DPYSL2: variants seen among roughly 807,000 people sequenced by gnomAD.
The protein encoded by DPYSL2 is dihydropyrimidinase like 2, also known as dihydropyrimidinase-related protein 2.
DPYSL2 carries 13 observed loss-of-function variants against 69.9 expected under a neutral mutation model. The ratio of observed to expected loss-of-function variants is 0.19; its 90% CI spans 0.12 to 0.30. DPYSL2 has a LOEUF of 0.30. Ranked by LOEUF, DPYSL2 falls within the 10% of genes least tolerant of loss-of-function variation. The pLI, the probability that DPYSL2 is intolerant of heterozygous loss-of-function variation, is 1.00. For missense variants in DPYSL2, 587 were observed against 918.9 expected, an observed-to-expected ratio of 0.64 and a Z score of 4.67; for synonymous variants, 326 against 359.1, an observed-to-expected ratio of 0.91 and a Z score of 1.04.
chr8:26,535,807 T>G (rs1260508864), intron 1 of DPYSL2, among the ~76,000 whole-genome samples: 1 of 152,072 alleles, frequency 6.6e-6, no homozygotes, highest in Non-Finnish European at 1.5e-5. Context: ...CAACAGAAAC[T>G]CATGTTAACA....
intron 1 of DPYSL2, chr8:26,577,175 G>T (rs1404410744): frequency 2.2e-6 from 1 of 446,024 alleles, no homozygotes; most frequent in South Asian, 1.6e-5. Flanking sequence ...CTGCAGCCCG[G>T]CGCCTCCACG....
In DPYSL2 at chr8:26,654,955, G is replaced by T. The variant is rs557683461; in HGVS notation, c.1943-660G>T. Among the ~76,000 whole-genome samples, 101 of 152,082 alleles carry T rather than the reference G, an allele frequency of 6.6e-4. No individual in the cohort carries two copies. Among genetic ancestry groups the T allele is most frequent in the African/African-American group, 2.3e-3 (96 of 41,504 alleles). The stretch of plus-strand genomic sequence containing the variant: ...CTCCTGGGCTCAAGTGATCCTCCCA[G>T]CTCAGCCTCCCCAGTAGCTGGTACT... On this transcript the variant is annotated intron_variant, in intron 13 of 13. Coordinates refer to ENST00000521913, the MANE Select transcript of DPYSL2 (RefSeq NM_001197293.3). The surrounding 1 kb of genome is among the most constrained non-coding windows in gnomAD (Gnocchi z 5.0).
rs4055147 is a variant in DPYSL2, at chr8:26,595,024, A to AAATC, written c.628+11065_628+11068dup. 3.6e-3 allele frequency among the ~76,000 whole-genome samples: 544 copies of AAATC among 151,086 alleles called. 3 individuals are homozygous for AAATC. Among genetic ancestry groups the AAATC allele is most frequent in the African/African-American group, 0.012 (493 of 41,276 alleles). ...GCAAAGTGAAGCCTTGTCTCTACCA[A>AAATC]AATCAATCAATCAATCAATCAATCA... is the stretch of plus-strand genomic sequence containing the variant. On this transcript the variant is annotated intron_variant, in intron 3 of 13. Transcript: ENST00000521913.
intron 1 of DPYSL2, chr8:26,548,224 G>T: frequency 4.4e-6 from 1 of 228,586 alleles, no homozygotes; most frequent in Non-Finnish European, 8.9e-6. Context: ...GGCCTCCAAG[G>T]AAATTCATGT....
Position 26,621,993 on chromosome 8 carries a change from A to T in DPYSL2, c.629-2150A>T, listed in dbSNP as rs1334324849. Among the ~76,000 whole-genome samples, 1 of 152,220 alleles carries T rather than the reference A, an allele frequency of 6.6e-6. No homozygotes were observed. The highest frequency in any genetic ancestry group is 1.5e-5 in the Non-Finnish European group (1 of 68,036). On this transcript the variant is annotated intron_variant, in intron 3 of 13. Coordinates refer to ENST00000521913, the MANE Select transcript of DPYSL2 (RefSeq NM_001197293.3). The surrounding 1 kb of genome is among the most constrained non-coding windows in gnomAD (Gnocchi z 4.9). Reference sequence around the variant, plus strand: ...CTGAAGGGTGATTTGTAGAAGGACAAGAGATGAAGCCAGGGGAGTGGGTAG... The same window carrying T: ...CTGAAGGGTGATTTGTAGAAGGACATGAGATGAAGCCAGGGGAGTGGGTAG...
At chr8:26,557,942 C>T (rs1451125040) in intron 1 of DPYSL2, among the ~76,000 whole-genome samples, 1 of 151,738 alleles carries the variant, frequency 6.6e-6, no homozygotes, top group Non-Finnish European at 1.5e-5. Flanking sequence ...ATCCTAACAC[C>T]AAATGCTTGT....
chr8:26,635,191 T>C (rs763079289), intron 8 of DPYSL2, among the ~76,000 whole-genome samples: 32 of 152,232 alleles, frequency 2.1e-4, no homozygotes, highest in Non-Finnish European at 3.7e-4. Flanking sequence ...TTTGATGTGG[T>C]TGAAATAAAC....
chr8:26,627,415 C>A lies in DPYSL2; in HGVS notation c.936+120C>A. ...TGGAAAAGCAGAGGGACCTGGTGTT[C>A]CCTTGCTGGAGCTCTGCTCAGTCTC... On this transcript the variant is annotated intron_variant, in intron 6 of 13. Coordinates refer to ENST00000521913, the MANE Select transcript of DPYSL2 (RefSeq NM_001197293.3). This position sits in a 1 kb window ranked among gnomAD's most constrained non-coding sequence, Gnocchi z 6.9. The A allele has an allele frequency of 9.7e-7, 1 of 1,034,024 alleles. No homozygotes were observed. The allele number at this position is 1,034,024 out of a possible 1,614,324, so 64.1% of individuals were successfully genotyped here.
At chr8:26,546,765 A>C (rs544466330) in intron 1 of DPYSL2, among the ~76,000 whole-genome samples, 1 of 150,822 alleles carries the variant, frequency 6.6e-6, no homozygotes, top group African/African-American at 2.4e-5. Context: ...TAAAAATTCA[A>C]AAAAAATTAG....
In DPYSL2 at chr8:26,617,873, G is replaced by C. The variant is rs1390405020; in HGVS notation, c.629-6270G>C. Among the ~76,000 whole-genome samples the C allele has an allele frequency of 6.6e-6, 1 of 152,170 alleles. No homozygotes were observed. Among genetic ancestry groups the C allele is most frequent in the Admixed American group, 6.5e-5 (1 of 15,276 alleles). On this transcript the variant is annotated intron_variant, in intron 3 of 13. Transcript: ENST00000521913. This position sits in a 1 kb window ranked among gnomAD's most constrained non-coding sequence, Gnocchi z 4.7. The stretch of plus-strand genomic sequence containing the variant: ...GGGTAGGAGGGAATGGGGAGTGACT[G>C]TAAGTGGGTACCAGGTTTCTTTTTT...
chr8:26,565,245 G>T lies in DPYSL2; in HGVS notation c.355-16724G>T, dbSNP rs11135948. Among the ~76,000 whole-genome samples the T allele has an allele frequency of 0.13, 15,576 of 122,100 alleles. 886 individuals are homozygous for T. Among genetic ancestry groups the T allele is most frequent in the Non-Finnish European group, 0.16 (8,232 of 51,620 alleles). The allele number at this position is 122,100 out of a possible 152,430, so 80.1% of individuals were successfully genotyped here. ...TGTGACTTGTGCTGCAATAAACATA[G>T]GAGTGCAGGTGTCTTTTTGATATCA... is the stretch of plus-strand genomic sequence containing the variant. On this transcript the variant is annotated intron_variant, in intron 1 of 13. Coordinates refer to ENST00000521913, the MANE Select transcript of DPYSL2 (RefSeq NM_001197293.3). The surrounding 1 kb of genome is among the most constrained non-coding windows in gnomAD (Gnocchi z 4.1).
In DPYSL2 at chr8:26,614,046, C is replaced by G. The variant is rs893589298; in HGVS notation, c.629-10097C>G. Among the ~76,000 whole-genome samples the G allele has an allele frequency of 2.0e-5, 3 of 152,112 alleles. No homozygotes were observed. Among genetic ancestry groups the G allele is most frequent in the Admixed American group, 2.0e-4 (3 of 15,276 alleles). ...TCGGGAGGTTGAGGTGGGAGGATCG[C>G]TTGAGTCCTGGAAATCAAGGCTGCG... On this transcript the variant is annotated intron_variant, in intron 3 of 13. Transcript: ENST00000521913. This position sits in a 1 kb window ranked among gnomAD's most constrained non-coding sequence, Gnocchi z 4.9.
At chr8:26,630,262 C>A (rs543772931) in intron 7 of DPYSL2, among the ~76,000 whole-genome samples, 2 of 152,208 alleles carry the variant, frequency 1.3e-5, no homozygotes, top group African/African-American at 4.8e-5. Context: ...CCCTCTGGGC[C>A]GGCTTCTGTG....
rs142441752 is a variant in DPYSL2 at position 26,610,154 on chromosome 8, C to G, written c.629-13989C>G. Among the ~76,000 whole-genome samples, 4 of 152,202 alleles carry G rather than the reference C, an allele frequency of 2.6e-5. No homozygotes were observed. The East Asian group carries it at 7.7e-4, about 29-fold the overall frequency. On this transcript the variant is annotated intron_variant, in intron 3 of 13. Transcript: ENST00000521913. The surrounding 1 kb of genome is among the most constrained non-coding windows in gnomAD (Gnocchi z 4.5). ...TGATGTTTCGTGGGATCTGCAAGAG[C>G]CTGTAGCGTCAGGTTTCTTTCCTTT...
chr8:26,589,298 A>G (rs1371825650), intron 3 of DPYSL2, among the ~76,000 whole-genome samples: 1 of 152,174 alleles, frequency 6.6e-6, no homozygotes, highest in Non-Finnish European at 1.5e-5. Context: ...CCTCTTCGCA[A>G]ACGTTGGGCT....
rs932898524 is a variant in DPYSL2, at chr8:26,626,460, C to T, written c.794-157C>T. On this transcript the variant is annotated intron_variant, in intron 4 of 13. Coordinates refer to ENST00000521913, the MANE Select transcript of DPYSL2 (RefSeq NM_001197293.3). This position sits in a 1 kb window ranked among gnomAD's most constrained non-coding sequence, Gnocchi z 4.3. ...TACCATTCTGTGTCTCCATTTCTCT[C>T]CTCTCTCTTTCTCTGTACTGAAACA... 2.7e-5 allele frequency among the ~76,000 whole-genome samples: 4 copies of T among 149,780 alleles called. No individual in the cohort carries two copies. In the Admixed American group the frequency reaches 2.7e-4, roughly 10 times the overall value.
In DPYSL2 at chr8:26,597,577, C is replaced by T. The variant is rs185303505; in HGVS notation, c.628+13594C>T. ...GCAAGCTCCGCCTCCCAGGTTCACG[C>T]CATTCTCCTGCCTCAGCCTCCCAAG... On this transcript the variant is annotated intron_variant, in intron 3 of 13. Coordinates refer to ENST00000521913, the MANE Select transcript of DPYSL2 (RefSeq NM_001197293.3). This position sits in a 1 kb window ranked among gnomAD's most constrained non-coding sequence, Gnocchi z 5.2. Among the ~76,000 whole-genome samples the T allele has an allele frequency of 4.9e-4, 75 of 152,212 alleles. No homozygotes were observed. In the East Asian group the frequency reaches 7.7e-3, roughly 16 times the overall value.
intron 8 of DPYSL2, among the ~76,000 whole-genome samples, chr8:26,637,054 T>C (rs1388842602): frequency 6.6e-6 from 1 of 152,212 alleles, no homozygotes; most frequent in African/African-American, 2.4e-5. Context: ...CCCTATTGTC[T>C]TTATAACCTT....
In DPYSL2 at chr8:26,546,060, G is replaced by A. The variant is rs186834547; in HGVS notation, c.354+31381G>A. On this transcript the variant is annotated intron_variant, in intron 1 of 13. Coordinates refer to ENST00000521913, the MANE Select transcript of DPYSL2 (RefSeq NM_001197293.3). ...TTTTGATTGGGATTTTGATTGTGTC[G>A]AATGTATAGATCCAGTTGGGAAGAA... 2.1e-3 allele frequency among the ~76,000 whole-genome samples: 327 copies of A among 152,234 alleles called. 2 individuals are homozygous for A. The highest frequency in any genetic ancestry group is 7.5e-3 in the African/African-American group (310 of 41,542).
Sources: gnomAD v4.1 joint callset for allele counts (sites outside exome capture counted in the v4.1 genomes callset) on GRCh38, gnomAD v4.1.1 for gene constraint, Gnocchi (gnomAD v3.1) non-coding constraint, MANE v1.5 for transcripts, NCBI Gene and HGNC (gene_info 2026-07-23, HGNC 2026-07-21) for gene names.